MYO3A: variants seen among roughly 807,000 people sequenced by gnomAD.
The protein encoded by MYO3A is myosin-IIIa.
Under a neutral mutation model 192.7 loss-of-function variants are expected in MYO3A, and 180 were observed. The observed-to-expected ratio is 0.93, with a 90% CI of 0.83 to 1.06. The LOEUF is 1.06. Among genes scored for constraint, MYO3A ranks in the 50% least tolerant of loss-of-function variants. The probability of loss-of-function intolerance (pLI) is 0.00; values close to 1 mark genes in which losing one functional copy is unlikely to be tolerated. For synonymous variants in MYO3A, 628 were observed against 645.3 expected, an observed-to-expected ratio of 0.97 and a Z score of 0.41; for missense variants, 1,896 against 1,905.0, an observed-to-expected ratio of 1.00 and a Z score of 0.09.
At chr10:25,986,264 A>G (rs1252812030) in intron 4 of MYO3A, among the ~76,000 whole-genome samples, 1 of 152,228 alleles carries the variant, frequency 6.6e-6, no homozygotes, top group Non-Finnish European at 1.5e-5. Flanking sequence ...GAACAGGGAA[A>G]AGTTGAAAGC....
At chr10:26,101,018 T>A (rs1289140932) in intron 17 of MYO3A, among the ~76,000 whole-genome samples, 1 of 152,198 alleles carries the variant, frequency 6.6e-6, no homozygotes, top group East Asian at 1.9e-4. Flanking sequence ...CCATTATTAA[T>A]GTGTGGGAGT....
At chr10:26,003,031 G>C (rs1342624998) in intron 6 of MYO3A, among the ~76,000 whole-genome samples, 1 of 152,142 alleles carries the variant, frequency 6.6e-6, no homozygotes, top group Non-Finnish European at 1.5e-5. Flanking sequence ...ATGAATGAAG[G>C]AGGGGGAAGA....
chr10:25,974,392 TTA>T (rs1838851298), intron 4 of MYO3A, among the ~76,000 whole-genome samples: 1 of 152,174 alleles, frequency 6.6e-6, no homozygotes, highest in Non-Finnish European at 1.5e-5. Context: ...CTCAGTGTAA[TTA>T]TCAAAATCTC....
At chr10:26,061,978 G>A (rs12767568) in intron 10 of MYO3A, among the ~76,000 whole-genome samples, 71,862 of 151,936 alleles carry the variant, frequency 0.47, 17,848 homozygotes, top group Middle Eastern at 0.59. Context: ...GGGAGTAAAT[G>A]AGATGATACT....
rs12773390 is a variant in MYO3A, at chr10:26,068,469, G to C, written c.1054-299G>C. Among the ~76,000 whole-genome samples, 72,161 of 151,782 alleles carry C rather than the reference G, an allele frequency of 0.48. 17,944 individuals are homozygous for C. The highest frequency in any genetic ancestry group is 0.59 in the Middle Eastern group (171 of 290). ...TCGTTTTTAATCTTTACATCACTTA[G>C]TGCTATTACTTCTTTTCTTGAAAGC... is the stretch of plus-strand genomic sequence containing the variant. On this transcript the variant is annotated intron_variant, in intron 11 of 34. Coordinates refer to ENST00000642920, the MANE Select transcript of MYO3A (RefSeq NM_017433.5).
intron 6 of MYO3A, among the ~76,000 whole-genome samples, chr10:26,001,017 GTGAGAACTCACTATCA>G (rs1266790681): frequency 7.2e-5 from 11 of 152,132 alleles, no homozygotes; most frequent in Non-Finnish European, 2.9e-5. Context: ...AGCACATCTC[GTGAGAACTCACTATCA>G]CGAGAACAGC....
chr10:25,950,056 G>A (rs867964560), intron 2 of MYO3A, among the ~76,000 whole-genome samples: 59 of 152,234 alleles, frequency 3.9e-4, no homozygotes, highest in African/African-American at 1.4e-3. Flanking sequence ...CCCTCATGTA[G>A]CTTACATTCT....
intron 10 of MYO3A, among the ~76,000 whole-genome samples, chr10:26,048,355 GTT>G (rs201965583): frequency 7.6e-6 from 1 of 131,254 alleles, no homozygotes. Context: ...AATACAGCTT[GTT>G]TTTTTTTTTT....
intron 2 of MYO3A, among the ~76,000 whole-genome samples, chr10:25,951,191 A>G (rs1837188735): frequency 6.6e-6 from 1 of 152,116 alleles, no homozygotes; most frequent in Admixed American, 6.5e-5. Context: ...CAGTGGTGAT[A>G]TAGGATAGTG....
At chr10:25,962,833 T>C (rs1335643843) in intron 4 of MYO3A, among the ~76,000 whole-genome samples, 1 of 152,192 alleles carries the variant, frequency 6.6e-6, no homozygotes. Context: ...GCATTTGCTA[T>C]TGATGGACAC....
At chr10:25,935,543 G>A (rs898090309) in intron 1 of MYO3A, among the ~76,000 whole-genome samples, 4 of 152,188 alleles carry the variant, frequency 2.6e-5, no homozygotes, top group African/African-American at 9.7e-5. Flanking sequence ...TAGCTTGAGA[G>A]TTGTTTAATG....
intron 7 of MYO3A, among the ~76,000 whole-genome samples, chr10:26,017,243 G>A (rs75989882): frequency 0.16 from 24,102 of 151,872 alleles, 2,270 homozygotes; most frequent in African/African-American, 0.23. Flanking sequence ...TAATATTATC[G>A]GAACCCCTAG....
chr10:26,110,609 A>G (rs945024812), intron 17 of MYO3A, among the ~76,000 whole-genome samples: 4 of 152,182 alleles, frequency 2.6e-5, no homozygotes, highest in African/African-American at 9.7e-5. Flanking sequence ...TTGAAAGAAA[A>G]TGATGAGGAG....
chr10:26,174,644 G>T, intron 30 of MYO3A, 87 bp downstream of exon 30: 1 of 1,152,652 alleles, frequency 8.7e-7, no homozygotes, highest in Non-Finnish European at 1.3e-6. Flanking sequence ...ATAACTGGTA[G>T]ATTGTTTTAT....
At chr10:25,943,909 T>TTGCTC (rs1315089684) in intron 2 of MYO3A, among the ~76,000 whole-genome samples, 2 of 151,976 alleles carry the variant, frequency 1.3e-5, no homozygotes, top group Admixed American at 6.6e-5. Flanking sequence ...TCTTGCCTGA[T>TTGCTC]TGCTCTGACT....
intron 26 of MYO3A, chr10:26,165,788 G>A: frequency 4.2e-6 from 2 of 481,500 alleles, no homozygotes; most frequent in Non-Finnish European, 7.4e-6. Flanking sequence ...TAATTTTTTT[G>A]ACTGATGGAG....
intron 31 of MYO3A, among the ~76,000 whole-genome samples, chr10:26,184,997 A>T (rs1842794522): frequency 6.6e-6 from 1 of 152,226 alleles, no homozygotes; most frequent in Non-Finnish European, 1.5e-5. Context: ...TGATAAGCTC[A>T]TGGGAAGTTT....
At chr10:25,998,966 C>T (rs559404006) in intron 6 of MYO3A, among the ~76,000 whole-genome samples, 33 of 152,254 alleles carry the variant, frequency 2.2e-4, no homozygotes, top group African/African-American at 5.5e-4. Context: ...GGCACGATCT[C>T]GGCTCACTGC....
At chr10:26,160,009 C>A (rs1333676027) in intron 26 of MYO3A, among the ~76,000 whole-genome samples, 1 of 151,680 alleles carries the variant, frequency 6.6e-6, no homozygotes, top group Non-Finnish European at 1.5e-5. Flanking sequence ...ATACTAGATA[C>A]AAAGGAGTTT....
Sources: allele counts gnomAD v4.1 joint callset (sites outside exome capture counted in the v4.1 genomes callset), GRCh38; gene constraint gnomAD v4.1.1; transcripts MANE v1.5; gene names NCBI Gene and HGNC (gene_info 2026-07-23, HGNC 2026-07-21).